The following DIS3L2 variants were observed in gnomAD, a reference collection of about 807,000 sequenced individuals.
DIS3L2 encodes DIS3-like exonuclease 2.
In DIS3L2, 34 loss-of-function variants were observed where a neutral mutation model predicts 97.5. That is an observed-to-expected ratio of 0.35 (90% CI 0.27 to 0.46). The LOEUF (loss-of-function observed/expected upper bound fraction) is 0.46, where lower values mean the gene tolerates loss of function less well. Ranked by LOEUF, DIS3L2 falls within the 20% of genes least tolerant of loss-of-function variation. The pLI is 1.00. For missense variants in DIS3L2, 1,038 were observed against 1,146.0 expected, an observed-to-expected ratio of 0.91 and a Z score of 1.36; for synonymous variants, 435 against 445.2, an observed-to-expected ratio of 0.98 and a Z score of 0.29.
intron 11 of DIS3L2, among the ~76,000 whole-genome samples, chr2:232,241,244 A>G (rs1021624687): frequency 2.0e-5 from 3 of 152,264 alleles, no homozygotes; most frequent in African/African-American, 7.2e-5. Context: ...GTCTTCTGAA[A>G]AGCTGGATGA....
At chr2:232,154,853 A>C (rs1321185652) in intron 8 of DIS3L2, among the ~76,000 whole-genome samples, 2 of 75,124 alleles carry the variant, frequency 2.7e-5, no homozygotes, top group African/African-American at 1.1e-4. Flanking sequence ...GCAATCAGCG[A>C]GATTCCGTGG....
chr2:232,303,203 CCTCA>C (rs1426923131), intron 14 of DIS3L2, among the ~76,000 whole-genome samples: 1 of 152,164 alleles, frequency 6.6e-6, no homozygotes, highest in African/African-American at 2.4e-5. Flanking sequence ...AAGGCAGACT[CCTCA>C]CTCATGAGTT....
chr2:232,288,790 C>T (rs1391818844), intron 13 of DIS3L2, among the ~76,000 whole-genome samples: 1 of 152,184 alleles, frequency 6.6e-6, no homozygotes, highest in Non-Finnish European at 1.5e-5. Flanking sequence ...TTAAACTTGC[C>T]TGGATCTCAT....
chr2:232,236,497 C>A (rs1383201859), intron 10 of DIS3L2, among the ~76,000 whole-genome samples: 2 of 152,102 alleles, frequency 1.3e-5, no homozygotes, highest in Admixed American at 1.3e-4. Flanking sequence ...GGTCATAATT[C>A]TTCTTTTCTT....
intron 10 of DIS3L2, among the ~76,000 whole-genome samples, chr2:232,234,599 A>G (rs1375326493): frequency 1.3e-5 from 2 of 152,156 alleles, no homozygotes; most frequent in Admixed American, 6.5e-5. Flanking sequence ...TGATCCGCCA[A>G]CCTCAGCCTC....
intron 1 of DIS3L2, among the ~76,000 whole-genome samples, chr2:231,988,976 G>A (rs1693502120): frequency 6.6e-6 from 1 of 152,184 alleles, no homozygotes; most frequent in Admixed American, 6.5e-5. Context: ...GGTTCTGAAA[G>A]TCACATATTT....
chr2:231,968,102 T>C (rs1692778374), intron 1 of DIS3L2, among the ~76,000 whole-genome samples: 1 of 151,250 alleles, frequency 6.6e-6, no homozygotes, highest in African/African-American at 2.4e-5. Flanking sequence ...AACTGATTTT[T>C]TTTTTTTTTT....
intron 6 of DIS3L2, among the ~76,000 whole-genome samples, chr2:232,122,983 A>G (rs1049656432): frequency 6.6e-6 from 1 of 152,214 alleles, no homozygotes; most frequent in African/African-American, 2.4e-5. Flanking sequence ...TGTCATGCCT[A>G]TGGATGGAAG....
intron 6 of DIS3L2, among the ~76,000 whole-genome samples, chr2:232,106,391 C>T (rs1697358457): frequency 6.6e-6 from 1 of 152,012 alleles, no homozygotes; most frequent in African/African-American, 2.4e-5. Context: ...AAATGGAAAA[C>T]AGAAGAAACC....
chr2:232,087,617 T>C lies in DIS3L2; in HGVS notation c.497T>C (p.Val166Ala), dbSNP rs760983684. 1.2e-6 allele frequency: 2 copies of C among 1,614,210 alleles called. No homozygotes were observed. The highest frequency in any genetic ancestry group is 1.7e-6 in the Non-Finnish European group (2 of 1,180,028). Residue 166 changes from valine (V) to alanine (A), a missense_variant, in exon 6 of 21, where the codon GTA becomes GCA. Physicochemically the swap from Val to Ala is moderately conservative, Grantham distance 64. Around this residue, in one of 3 missense-constraint regions of DIS3L2, gnomAD observed 813 missense variants for 880.1 expected, o/e 0.92. Coordinates refer to ENST00000325385, the MANE Select transcript of DIS3L2 (RefSeq NM_152383.5). ...TATAATGACAGTCCTGATGTCATTG[T>C]AGAGGCTCAGTTTGATGGCAGCGAC... ...KSYNDSPDVIVEAQFDGSDSE... is the reference protein window; with the variant it reads ...KSYNDSPDVIAEAQFDGSDSE...
intron 11 of DIS3L2, among the ~76,000 whole-genome samples, chr2:232,240,765 T>C (rs1693058584): frequency 6.6e-6 from 1 of 152,166 alleles, no homozygotes; most frequent in Admixed American, 6.5e-5. Context: ...CCCACAAGTA[T>C]CTCTCTTGAG....
At chr2:232,253,898 C>T (rs756952030) in intron 12 of DIS3L2, among the ~76,000 whole-genome samples, 6 of 152,130 alleles carry the variant, frequency 3.9e-5, no homozygotes, top group Non-Finnish European at 8.8e-5. Flanking sequence ...ACTATGTATA[C>T]TTTAATATTT....
intron 14 of DIS3L2, 28 bp from the exon 15 acceptor site, chr2:232,329,785 T>TGCCGGGGGGGGGCCCCCCCC: frequency 1.0e-6 from 1 of 967,138 alleles, no homozygotes; most frequent in East Asian, 3.1e-5. Flanking sequence ...ACCCCAGCGG[T>TGCCGGGGGGGGGCCCCCCCC]CCCTCCCATC....
chr2:232,339,487 G>A (rs543226854), downstream of DIS3L2, among the ~76,000 whole-genome samples: 1 of 152,254 alleles, frequency 6.6e-6, no homozygotes, highest in East Asian at 1.9e-4. Context: ...GGCTGCGAAA[G>A]TCACGGGTGG....
rs912566149 is a variant in DIS3L2 at position 232,336,877 on chromosome 2, T to C, written c.*247T>C. The stretch of plus-strand genomic sequence containing the variant: ...GCAGGCCCCAGTCCTCCTGGGAGGC[T>C]GGCCCCCCTTTTTTCTGGGCCCTAC... On this transcript the variant is annotated 3_prime_UTR_variant, in exon 21 of 21. Transcript: ENST00000325385. 7.5e-7 allele frequency: 1 copy of C among 1,329,840 alleles called. No individual in the cohort carries two copies. Among genetic ancestry groups the C allele is most frequent in the Non-Finnish European group, 9.6e-7 (1 of 1,040,190 alleles). 82.4% of individuals were successfully genotyped at this position (1,329,840 alleles called of 1,614,324 possible). A position where few individuals can be genotyped will look rare whatever the true frequency, so the allele number is the denominator to read the frequency against.
At chr2:232,053,958 T>A (rs1695476930) in intron 5 of DIS3L2, among the ~76,000 whole-genome samples, 1 of 152,194 alleles carries the variant, frequency 6.6e-6, no homozygotes, top group East Asian at 1.9e-4. Context: ...TCCAACCCTC[T>A]AATCACATGA....
At chr2:232,273,054 C>T (rs1317408661) in intron 13 of DIS3L2, among the ~76,000 whole-genome samples, 2 of 152,096 alleles carry the variant, frequency 1.3e-5, no homozygotes, top group Admixed American at 6.5e-5. Context: ...TGACCTTCTC[C>T]ACCTTCACCC....
chr2:232,134,651 C>A (rs969305129), intron 7 of DIS3L2, among the ~76,000 whole-genome samples: 1 of 152,034 alleles, frequency 6.6e-6, no homozygotes, highest in African/African-American at 2.4e-5. Context: ...ATAGTGAAAC[C>A]CTGTCTCTAC....
intron 14 of DIS3L2, 28 bp from the exon 15 acceptor site, chr2:232,329,785 T>TCCCCGGGGGGGGCC: frequency 1.5e-4 from 146 of 967,036 alleles, no homozygotes; most frequent in Non-Finnish European, 1.8e-4. Context: ...ACCCCAGCGG[T>TCCCCGGGGGGGGCC]CCCTCCCATC....
Sources: gnomAD v4.1 joint callset for allele counts (sites outside exome capture counted in the v4.1 genomes callset) on GRCh38, gnomAD v4.1.1 for gene constraint, gnomAD v4.1.1 regional missense constraint, MANE v1.5 for transcripts, NCBI Gene and HGNC (gene_info 2026-07-23, HGNC 2026-07-21) for gene names.